NCKAP5: variants seen among roughly 807,000 people sequenced by gnomAD.
The protein encoded by NCKAP5 is nck-associated protein 5.
NCKAP5 carries 92 observed loss-of-function variants against 167.0 expected under a neutral mutation model. The observed-to-expected ratio is 0.55, with a 90% confidence interval of 0.47 to 0.66. NCKAP5 has a LOEUF of 0.66. NCKAP5 is among the 30% of genes least tolerant of loss of function. The pLI, the probability that NCKAP5 is intolerant of heterozygous loss-of-function variation, is 0.00. For missense variants in NCKAP5, 2,378 were observed against 2,315.0 expected, an observed-to-expected ratio of 1.03 and a Z score of -0.56; for synonymous variants, 891 against 877.4, an observed-to-expected ratio of 1.02 and a Z score of -0.27.
Position 133,426,384 on chromosome 2 carries a change from TA to T in NCKAP5, c.69+91073del, listed in dbSNP as rs141816071. 3.5e-3 allele frequency among the ~76,000 whole-genome samples: 408 copies of T among 116,168 alleles called. 2 individuals are homozygous for T. The highest frequency in any genetic ancestry group is 0.011 in the African/African-American group (333 of 30,792). 76.2% of individuals were successfully genotyped at this position (116,168 alleles called of 152,430 possible). ...ATATATAGCCTTAAATGCTTTTATT[TA>T]AAAAAAAAAGATAGAAAATAAATGC... On this transcript the variant is annotated intron_variant, in intron 3 of 19. Transcript: ENST00000409261.
chr2:133,045,213 A>G (rs560810597), intron 6 of NCKAP5, among the ~76,000 whole-genome samples: 49 of 152,298 alleles, frequency 3.2e-4, no homozygotes, highest in East Asian at 1.9e-3. Flanking sequence ...CAGCACAGAA[A>G]AAATGTGCTA....
chr2:133,315,977 C>T (rs1370324053), intron 3 of NCKAP5, among the ~76,000 whole-genome samples: 3 of 152,232 alleles, frequency 2.0e-5, no homozygotes, highest in Admixed American at 6.5e-5. Flanking sequence ...CATGGGGCTA[C>T]GGAGGCCCTT....
chr2:132,851,372 T>C (rs1689065238), intron 11 of NCKAP5, among the ~76,000 whole-genome samples: 1 of 152,180 alleles, frequency 6.6e-6, no homozygotes, highest in South Asian at 2.1e-4. Flanking sequence ...GTGTAAGCTA[T>C]AAACCAGTGG....
intron 10 of NCKAP5, among the ~76,000 whole-genome samples, chr2:132,866,373 A>T (rs773915493): frequency 5.1e-4 from 77 of 152,158 alleles, no homozygotes; most frequent in Non-Finnish European, 8.7e-4. Context: ...TTTAATTCGC[A>T]CTTGTAGACT....
intron 6 of NCKAP5, among the ~76,000 whole-genome samples, chr2:133,116,487 C>CAAAAAAAAA (rs1176731938): frequency 1.4e-4 from 1 of 7,152 alleles, no homozygotes; most frequent in African/African-American, 6.7e-4. Context: ...GACTCCGTCT[C>CAAAAAAAAA]AAAAAAAAAA....
intron 12 of NCKAP5, among the ~76,000 whole-genome samples, chr2:132,793,781 G>A (rs1684264667): frequency 1.3e-5 from 2 of 152,102 alleles, no homozygotes; most frequent in African/African-American, 2.4e-5. Flanking sequence ...GTAATTCCTT[G>A]CAAAGAAGAG....
At chr2:132,826,927 G>C (rs1295236070) in intron 11 of NCKAP5, among the ~76,000 whole-genome samples, 3 of 152,222 alleles carry the variant, frequency 2.0e-5, no homozygotes, top group Admixed American at 2.0e-4. Flanking sequence ...AGGCATGAAA[G>C]ACAAGGCGAG....
intron 17 of NCKAP5, among the ~76,000 whole-genome samples, chr2:132,731,264 C>T (rs965718135): frequency 1.3e-5 from 2 of 152,186 alleles, no homozygotes; most frequent in East Asian, 1.9e-4. Flanking sequence ...CTATTGCAAT[C>T]GGTGCACGAT....
At chr2:132,724,299 T>A (rs1401910298) in intron 19 of NCKAP5, among the ~76,000 whole-genome samples, 1 of 152,220 alleles carries the variant, frequency 6.6e-6, no homozygotes, top group Non-Finnish European at 1.5e-5. Flanking sequence ...TACATTTACT[T>A]GTTTATGATA....
In NCKAP5 at chr2:133,396,485, C is replaced by T. The variant is rs1574875281; in HGVS notation, c.70-93375G>A. 2.0e-5 allele frequency among the ~76,000 whole-genome samples: 3 copies of T among 152,092 alleles called. No individual in the cohort carries two copies. The East Asian group carries it at 5.8e-4, about 29-fold the overall frequency. ...AACATAGAATTCAAGGGTATTTATC[C>T]TTGGCTTTTGAAGATACTAGTTAAG... is the stretch of plus-strand genomic sequence containing the variant. On this transcript the variant is annotated intron_variant, in intron 3 of 19. Coordinates refer to ENST00000409261, the MANE Select transcript of NCKAP5 (RefSeq NM_207363.3).
At chr2:133,666,899 T>C in the NCKAP5 span, among the ~76,000 whole-genome samples, 1 of 151,840 alleles carries the variant, frequency 6.6e-6, no homozygotes, top group Non-Finnish European at 1.5e-5. Flanking sequence ...AGCATATAAG[T>C]CTGAGAGGGA....
At chr2:132,797,097 C>A (rs4143564) in intron 11 of NCKAP5, among the ~76,000 whole-genome samples, 27,882 of 152,136 alleles carry the variant, frequency 0.18, 3,030 homozygotes, top group East Asian at 0.29. Flanking sequence ...AAACCAATCA[C>A]CAAGTTCACC....
chr2:132,731,943 T>C lies in NCKAP5; in HGVS notation c.5237A>G (p.Glu1746Gly). Residue 1746 changes from glutamate to glycine, a missense_variant, in exon 17 of 20, where the codon GAG (glutamate) becomes GGG (glycine). Physicochemically the swap from Glu to Gly is moderately conservative, Grantham distance 98. This residue lies in a region of NCKAP5 where 1,325 missense variants were observed against 1,274.5 expected (regional missense o/e 1.04). Coordinates refer to ENST00000409261, the MANE Select transcript of NCKAP5 (RefSeq NM_207363.3). ...GAGAGGCAGGAGAGGCTCAGCGTCC[T>C]CTGGGGAGTCTGGCTGGCATAGGTA... ...GRYLCQPDSP[E>G]DAEPLLPLQS... is the part of the protein sequence containing the mutation. 1 of 1,613,956 alleles carries C rather than the reference T, an allele frequency of 6.2e-7. No homozygotes were observed. The highest frequency in any genetic ancestry group is 1.1e-5 in the South Asian group (1 of 91,084).
intron 11 of NCKAP5, among the ~76,000 whole-genome samples, chr2:132,851,095 G>C (rs1236827863): frequency 2.6e-5 from 4 of 151,938 alleles, no homozygotes; most frequent in African/African-American, 7.3e-5. Context: ...ACTGACCCAG[G>C]TAAGACATAC....
At chr2:132,681,731 C>T (rs567376829) in intron 19 of NCKAP5, among the ~76,000 whole-genome samples, 6 of 152,152 alleles carry the variant, frequency 3.9e-5, no homozygotes, top group South Asian at 2.1e-4. Flanking sequence ...ATGAGGTATG[C>T]GGCGAGTGCC....
chr2:132,796,567 T>C lies in NCKAP5; in HGVS notation c.909+61A>G. The stretch of plus-strand genomic sequence containing the variant: ...ACTTTATGGTTCGCTTGTGACATCA[T>C]ATTTGATGGAAGGAAAATAACCACC... On this transcript the variant is annotated intron_variant, in intron 12 of 19. Transcript: ENST00000409261. 2.5e-6 allele frequency: 3 copies of C among 1,182,752 alleles called. No individual in the cohort carries two copies. The East Asian group carries it at 7.3e-5, about 29-fold the overall frequency. 73.3% of individuals were successfully genotyped at this position (1,182,752 alleles called of 1,614,324 possible).
At position 132,781,038 on chromosome 2, in the gene NCKAP5, G is replaced by A. The variant is rs765774095; in HGVS notation, c.5049+14C>T. ...AGATTGTAGCACTTGATACCAGGAT[G>A]GTGGAGCACTTACCAGGGAGTCTTT... On this transcript the variant is annotated intron_variant, in intron 15 of 19. Coordinates refer to ENST00000409261, the MANE Select transcript of NCKAP5 (RefSeq NM_207363.3). 3.1e-6 allele frequency: 5 copies of A among 1,611,424 alleles called. No homozygotes were observed. Among genetic ancestry groups the A allele is most frequent in the Non-Finnish European group, 4.2e-6 (5 of 1,178,696 alleles).
chr2:133,528,656 T>TA (rs1254314864), intron 2 of NCKAP5, among the ~76,000 whole-genome samples: 1 of 152,224 alleles, frequency 6.6e-6, no homozygotes, highest in Non-Finnish European at 1.5e-5. Flanking sequence ...CAGCCAGTTC[T>TA]TATGATGACT....
chr2:132,949,607 C>T (rs6748489), intron 8 of NCKAP5, among the ~76,000 whole-genome samples: 32,532 of 151,294 alleles, frequency 0.22, 3,893 homozygotes, highest in Admixed American at 0.39. Flanking sequence ...CCCCCTCCTT[C>T]TGAAACCTGT....
Sources: allele counts gnomAD v4.1 joint callset (sites outside exome capture counted in the v4.1 genomes callset), GRCh38; gene constraint gnomAD v4.1.1; regional missense constraint gnomAD v4.1.1; transcripts MANE v1.5; gene names NCBI Gene and HGNC (gene_info 2026-07-23, HGNC 2026-07-21).